WDR4: variants seen among roughly 807,000 people sequenced by gnomAD.
WDR4 encodes tRNA (guanine-N(7)-)-methyltransferase non-catalytic subunit WDR4.
A neutral mutation model predicts 48.6 loss-of-function variants in WDR4; 47 were observed. The ratio of observed to expected loss-of-function variants is 0.97; its 90% CI spans 0.77 to 1.23. The LOEUF is 1.23. WDR4 is among the 50% of genes most tolerant of loss of function. The pLI is 0.00. For synonymous variants in WDR4, 268 were observed against 230.0 expected (o/e 1.17, Z -1.49); for missense variants, 606 against 551.6 (o/e 1.10, Z -0.99).
chr21:42,867,649 A>G (rs1454264145), intron 3 of WDR4, among the ~76,000 whole-genome samples: 1 of 152,174 alleles, frequency 6.6e-6, no homozygotes, highest in East Asian at 1.9e-4. Flanking sequence ...CTATGCTCAC[A>G]AAATTTCGGA....
upstream of WDR4, chr21:42,879,550 C>T (rs1159524429): frequency 1.9e-6 from 3 of 1,593,996 alleles, no homozygotes; most frequent in African/African-American, 4.0e-5. Context: ...CTCTTCCTGT[C>T]CGCACCGGTC....
Position 42,853,715 on chromosome 21 carries a change from T to C in WDR4, c.829A>G (p.Arg277Gly). 1 of 1,567,134 alleles carries C rather than the reference T, an allele frequency of 6.4e-7. No homozygotes were observed. Among genetic ancestry groups the C allele is most frequent in the Non-Finnish European group, 8.7e-7 (1 of 1,155,722 alleles). Residue 277 changes from arginine to glycine, a missense_variant, in exon 9 of 11, where the codon AGA (arginine) becomes GGA (glycine). Transcript: ENST00000398208. ...TGCTGCCTGTACACCAACTGCTGTC[T>C]GCGGGCGTCCAGCTGGAAGATGTAG... The part of the protein sequence containing the change: ...VVYIFQLDAR[R>G]QQLVYRQQLA...
At chr21:42,859,577 A>AGGGGCCAGCGATCCACT in intron 6 of WDR4, 85 bp downstream of exon 6, 3 of 1,374,428 alleles carry the variant, frequency 2.2e-6, no homozygotes, top group Non-Finnish European at 3.0e-6. Flanking sequence ...AGCGATCCAC[A>AGGGGCCAGCGATCCACT]GGGGCCAGGT....
chr21:42,855,583 G>T, intron 7 of WDR4, 99 bp downstream of exon 7: 1 of 901,606 alleles, frequency 1.1e-6, no homozygotes, highest in South Asian at 2.0e-5. Context: ...GGCATTGAGA[G>T]CAAACGTTTC....
the WDR4 span, among the ~76,000 whole-genome samples, chr21:42,885,409 G>A: frequency 4.4e-4 from 67 of 152,054 alleles, no homozygotes; most frequent in African/African-American, 1.5e-3. Flanking sequence ...TCAGGAGTTC[G>A]AGACCAGCCT....
intron 3 of WDR4, among the ~76,000 whole-genome samples, chr21:42,866,827 G>T (rs1366219340): frequency 6.6e-6 from 1 of 152,030 alleles, no homozygotes; most frequent in Non-Finnish European, 1.5e-5. Flanking sequence ...AATTCTAAAG[G>T]AATTTTAAAA....
chr21:42,865,847 G>A (rs573025714), intron 3 of WDR4, among the ~76,000 whole-genome samples: 12 of 152,118 alleles, frequency 7.9e-5, no homozygotes, highest in Non-Finnish European at 1.5e-4. Context: ...CACACCCTCC[G>A]TTCTCTGCCA....
At chr21:42,876,883 A>T in intron 1 of WDR4, 116 bp from the exon 2 acceptor site, 1 of 848,892 alleles carries the variant, frequency 1.2e-6, no homozygotes, top group South Asian at 1.9e-5. Flanking sequence ...CAATGGCACG[A>T]TCTTGGCTCA....
At chr21:42,847,449 T>C (rs537455602), downstream of WDR4, among the ~76,000 whole-genome samples, 1 of 152,276 alleles carries the variant, frequency 6.6e-6, no homozygotes, top group South Asian at 2.1e-4. Context: ...AAACGGCTCT[T>C]GGCAGAGGGA....
At chr21:42,877,861 A>G (rs1314839981) in intron 1 of WDR4, among the ~76,000 whole-genome samples, 3 of 151,996 alleles carry the variant, frequency 2.0e-5, no homozygotes, top group Non-Finnish European at 2.9e-5. Context: ...TGGCTAACAC[A>G]GTGAAACCCC....
downstream of WDR4, among the ~76,000 whole-genome samples, chr21:42,848,177 C>G (rs571723483): frequency 6.6e-6 from 1 of 152,324 alleles, no homozygotes; most frequent in Non-Finnish European, 1.5e-5. Flanking sequence ...TCATCGCCAG[C>G]ATGAACCTGT....
At chr21:42,853,247 G>T (rs1299457797) in intron 9 of WDR4, among the ~76,000 whole-genome samples, 1 of 152,164 alleles carries the variant, frequency 6.6e-6, no homozygotes, top group Admixed American at 6.5e-5. Flanking sequence ...CAGCCTCCAA[G>T]TGTTAGTCCC....
At chr21:42,872,159 T>G (rs763174295) in intron 3 of WDR4, among the ~76,000 whole-genome samples, 5 of 152,116 alleles carry the variant, frequency 3.3e-5, no homozygotes, top group Non-Finnish European at 5.9e-5. Context: ...TAATTTTGTA[T>G]TTTTAGTAGA....
intron 2 of WDR4, among the ~76,000 whole-genome samples, chr21:42,876,070 C>T (rs760330719): frequency 2.0e-5 from 3 of 151,738 alleles, no homozygotes; most frequent in Non-Finnish European, 4.4e-5. Flanking sequence ...CAGGCGCCCA[C>T]CAGCATGCCT....
intron 3 of WDR4, among the ~76,000 whole-genome samples, chr21:42,867,512 A>G (rs2058275726): frequency 6.6e-6 from 1 of 152,162 alleles, no homozygotes; most frequent in South Asian, 2.1e-4. Flanking sequence ...CTCGGGACGA[A>G]AAGTGCTTTG....
the WDR4 span, among the ~76,000 whole-genome samples, chr21:42,888,829 T>C: frequency 3.3e-5 from 5 of 151,464 alleles, no homozygotes. Flanking sequence ...GCCTCCCGAG[T>C]AGCTGGGATT....
chr21:42,863,326 T>A (rs1203432001), intron 4 of WDR4, 114 bp downstream of exon 4: 4 of 1,315,178 alleles, frequency 3.0e-6, no homozygotes, highest in Non-Finnish European at 4.2e-6. Context: ...CATGGACAGG[T>A]GCCTGAGCCT....
intron 10 of WDR4, 86 bp downstream of exon 10, chr21:42,852,169 C>CG (rs1941955833): frequency 2.2e-6 from 3 of 1,393,416 alleles, no homozygotes; most frequent in Non-Finnish European, 3.0e-6. Context: ...CCAGGTACCC[C>CG]GGGCAGGTCA....
chr21:42,876,761 A>G lies in WDR4; in HGVS notation c.96T>C (p.Asp32=). 2 of 1,612,174 alleles carry G rather than the reference A, an allele frequency of 1.2e-6. No homozygotes were observed. The highest frequency in any genetic ancestry group is 1.7e-6 in the Non-Finnish European group (2 of 1,179,304). ...TGCAGTCATAGATGAAGAGGCTGTC[A>G]TCATCACTAAAGAGAAATAACAATA... ...FLATSIASSD[D]DSLFIYDCSA... The change falls in exon 2 of 11, where the codon GAT becomes GAC. Residue 32 remains aspartate (D), a synonymous_variant. Coordinates refer to ENST00000398208, the MANE Select transcript of WDR4 (RefSeq NM_018669.6).
Sources: gnomAD v4.1 joint callset for allele counts (sites outside exome capture counted in the v4.1 genomes callset) on GRCh38, gnomAD v4.1.1 for gene constraint, MANE v1.5 for transcripts, NCBI Gene and HGNC (gene_info 2026-07-23, HGNC 2026-07-21) for gene names.